Variants in MYO15B observed in about 807,000 individuals in gnomAD.
MYO15B encodes the protein myosin XVB.
In MYO15B, 207 loss-of-function variants were observed where a neutral mutation model predicts 119.3. The ratio of observed to expected loss-of-function variants is 1.73; its 90% CI spans 1.55 to 1.95. The LOEUF (loss-of-function observed/expected upper bound fraction) is 1.95. MYO15B is among the 30% of genes most tolerant of loss of function. The pLI is 0.00. For synonymous variants in MYO15B, 966 were observed against 498.9 expected, an observed-to-expected ratio of 1.94 and a Z score of -12.48; for missense variants, 2,264 against 1,203.1, an observed-to-expected ratio of 1.88 and a Z score of -13.04.
At chr17:75,619,512 G>A (rs2058575736) in intron 45 of MYO15B, 36 bp downstream of exon 45, 3 of 695,732 alleles carry the variant, frequency 4.3e-6, no homozygotes, top group African/African-American at 1.8e-5. Context: ...GGGATGCCAG[G>A]CCCCCAGCCT....
chr17:75,588,638 C>T (rs2056213732), exon 1 of MYO15B: 1 of 400,500 alleles, frequency 2.5e-6, no homozygotes, highest in East Asian at 3.6e-5. Flanking sequence ...TCGGAAGGGA[C>T]AAAAACCGGG....
At chr17:75,609,392 C>T (rs2057861269) in intron 21 of MYO15B, among the ~76,000 whole-genome samples, 1 of 149,880 alleles carries the variant, frequency 6.7e-6, no homozygotes, top group Non-Finnish European at 1.5e-5. Flanking sequence ...CCAGGCTGGT[C>T]TTGAACTCCT....
At chr17:75,613,449 G>A (rs535350658) in exon 28 of MYO15B, 115 of 682,684 alleles carry the variant, frequency 1.7e-4, no homozygotes, top group South Asian at 1.7e-3. Context: ...GCCGCATGGC[G>A]CTGGATGTGT....
intron 49 of MYO15B, 160 bp from the exon 50 acceptor site, chr17:75,620,871 T>A: frequency 1.4e-6 from 1 of 701,824 alleles, no homozygotes; most frequent in Non-Finnish European, 2.6e-6. Flanking sequence ...TGGTACTTAG[T>A]TCAAGGCTGC....
intron 21 of MYO15B, 49 bp from the exon 22 acceptor site, chr17:75,610,117 G>C (rs1418811851): frequency 1.6e-6 from 1 of 644,652 alleles, no homozygotes; most frequent in Non-Finnish European, 2.9e-6. Context: ...CAGGCAGGAA[G>C]CATAAGTTTG....
At chr17:75,618,035 C>A in intron 42 of MYO15B, 91 bp from the exon 43 acceptor site, 1 of 694,076 alleles carries the variant, frequency 1.4e-6, no homozygotes, top group Non-Finnish European at 2.6e-6. Flanking sequence ...CCCACCATCT[C>A]AAGGCTGATT....
At chr17:75,602,585 C>T (rs2057353773) in exon 16 of MYO15B, 1 of 675,564 alleles carries the variant, frequency 1.5e-6, no homozygotes, top group Non-Finnish European at 2.7e-6. Context: ...TTGGCCAGAG[C>T]CAGCTCCAGG....
intron 5 of MYO15B, 116 bp from the exon 6 acceptor site, chr17:75,591,861 G>T (rs1387117389): frequency 4.5e-6 from 3 of 666,974 alleles, no homozygotes; most frequent in Middle Eastern, 2.9e-4. Flanking sequence ...GGGGTCAGCT[G>T]CAGGCACTGC....
At chr17:75,609,674 C>T (rs958790672) in intron 21 of MYO15B, among the ~76,000 whole-genome samples, 2 of 148,610 alleles carry the variant, frequency 1.3e-5, no homozygotes, top group African/African-American at 5.1e-5. Context: ...CTCTTTCTTT[C>T]CTTCCTTCCC....
At chr17:75,625,651 A>G (rs2058999179) in exon 61 of MYO15B, 1 of 702,922 alleles carries the variant, frequency 1.4e-6, no homozygotes, top group African/African-American at 1.7e-5. Flanking sequence ...AGCACAGATC[A>G]GCTTCATTGG....
exon 64 of MYO15B, chr17:75,626,783 C>T: frequency 3.8e-6 from 2 of 526,452 alleles, no homozygotes; most frequent in Non-Finnish European, 6.8e-6. Flanking sequence ...CCGCCCAGGC[C>T]CCACATTAGC....
rs1403394857 is a variant in MYO15B, at chr17:75,625,257, C to T, written c.8804+19C>T. The T allele has an allele frequency of 1.7e-5, 12 of 687,014 alleles. No individual in the cohort carries two copies. The highest frequency in any genetic ancestry group is 2.7e-5 in the East Asian group (1 of 37,084). 42.6% of individuals were successfully genotyped at this position (687,014 alleles called of 1,614,324 possible). On this transcript the variant is annotated intron_variant, in intron 60 of 63. Coordinates refer to ENST00000645453, the Ensembl canonical transcript of MYO15B. Reference sequence around the variant, plus strand: ...CCTCAGGGTGAGTGGAGGCACCTCCCGCCCCTAAGCCCCTCCCCTTCTCTA... The same window carrying T: ...CCTCAGGGTGAGTGGAGGCACCTCCTGCCCCTAAGCCCCTCCCCTTCTCTA...
At chr17:75,612,853 A>T in exon 26 of MYO15B, 1 of 702,864 alleles carries the variant, frequency 1.4e-6, no homozygotes, top group Middle Eastern at 2.3e-4. Context: ...ACCCAGCTGG[A>T]TGGAGACAAC....
At chr17:75,616,413 G>A in exon 38 of MYO15B, 1 of 626,494 alleles carries the variant, frequency 1.6e-6, no homozygotes, top group Non-Finnish European at 2.9e-6. Flanking sequence ...GGAGGAGGAG[G>A]AGCAGGAGGA....
Position 75,602,636 on chromosome 17 carries a change from T to C in MYO15B, c.3729+42T>C, listed in dbSNP as rs148981008. 1.2e-3 allele frequency: 734 copies of C among 634,094 alleles called. 6 individuals are homozygous for C. Among genetic ancestry groups the C allele is most frequent in the African/African-American group, 0.011 (610 of 55,104 alleles). The allele number at this position is 634,094 out of a possible 1,614,324, so 39.3% of individuals were successfully genotyped here. On this transcript the variant is annotated intron_variant, in intron 16 of 63. Coordinates refer to ENST00000645453, the Ensembl canonical transcript of MYO15B. Reference sequence around the variant, plus strand: ...CCAGGCCCCCACCCGCTCCATACTCTGTCCCCCAATTCTGTCCTTTTCCCC... The same window carrying C: ...CCAGGCCCCCACCCGCTCCATACTCCGTCCCCCAATTCTGTCCTTTTCCCC...
At chr17:75,621,517 C>T (rs972053905) in exon 52 of MYO15B, 11 of 702,216 alleles carry the variant, frequency 1.6e-5, no homozygotes, top group African/African-American at 7.0e-5. Context: ...ATCCAGGAGT[C>T]GCTCCTCAGC....
At position 75,602,490 on chromosome 17, in the gene MYO15B, C is replaced by G. The variant is rs1376740744; in HGVS notation, c.3652-27C>G. ...CTGTTCTCCTCCCTTTCTCCACTTCCCTCCCCACCTGCATGGTCTCTTGCA... is the reference window on the plus strand; with the variant it reads ...CTGTTCTCCTCCCTTTCTCCACTTCGCTCCCCACCTGCATGGTCTCTTGCA... On this transcript the variant is annotated intron_variant, in intron 15 of 63. Transcript: ENST00000645453. 4.3e-6 allele frequency: 3 copies of G among 702,892 alleles called. No homozygotes were observed. The African/African-American group carries it at 5.2e-5, about 12-fold the overall frequency. 43.5% of individuals were successfully genotyped at this position (702,892 alleles called of 1,614,324 possible).
chr17:75,591,122 C>T (rs777414710), intron 3 of MYO15B, 50 bp from the exon 4 acceptor site: 1 of 702,172 alleles, frequency 1.4e-6, no homozygotes, highest in Non-Finnish European at 2.6e-6. Context: ...TCTGCTACAC[C>T]TCGGAGGGTC....
chr17:75,608,311 G>A (rs142821018), intron 21 of MYO15B, among the ~76,000 whole-genome samples: 1,647 of 152,032 alleles, frequency 0.011, 26 homozygotes, highest in African/African-American at 0.038. Flanking sequence ...TGGAGATGGG[G>A]TTTTACTATG....
Sources: allele counts gnomAD v4.1 joint callset (sites outside exome capture counted in the v4.1 genomes callset), GRCh38; gene constraint gnomAD v4.1.1; transcripts MANE v1.5; gene names NCBI Gene and HGNC (gene_info 2026-07-23, HGNC 2026-07-21).